The following ATP13A5 variants were observed in gnomAD, a reference collection of about 807,000 sequenced individuals.
ATP13A5 encodes the protein ATPase 13A5.
A neutral mutation model predicts 150.2 loss-of-function variants in ATP13A5; 149 were observed. The observed-to-expected ratio is 0.99, with a 90% CI of 0.87 to 1.14. ATP13A5 has a LOEUF of 1.14. Ranked by LOEUF, ATP13A5 falls within the 50% of genes most tolerant of loss-of-function variation. The pLI is 0.00. For missense variants in ATP13A5, 1,383 were observed against 1,449.3 expected, an observed-to-expected ratio of 0.95 and a Z score of 0.74; for synonymous variants, 497 against 522.2, an observed-to-expected ratio of 0.95 and a Z score of 0.66.
chr3:193,345,285 G>C (rs574369949), intron 7 of ATP13A5, among the ~76,000 whole-genome samples: 1 of 152,226 alleles, frequency 6.6e-6, no homozygotes, highest in South Asian at 2.1e-4. Context: ...TTAGTTTAAT[G>C]CTATCTCACT....
At chr3:193,299,305 T>G in intron 24 of ATP13A5, 102 bp from the exon 25 acceptor site, 2 of 810,218 alleles carry the variant, frequency 2.5e-6, no homozygotes, top group Non-Finnish European at 3.8e-6. Context: ...AGCTGTTACT[T>G]TTTTTTCCCT....
At chr3:193,311,437 C>A (rs1301065228) in intron 20 of ATP13A5, among the ~76,000 whole-genome samples, 2 of 152,156 alleles carry the variant, frequency 1.3e-5, no homozygotes, top group Non-Finnish European at 2.9e-5. Flanking sequence ...ATTTAAGAAT[C>A]CAGGCAAGAA....
chr3:193,333,939 C>A, intron 10 of ATP13A5, 32 bp from the exon 11 acceptor site: 1 of 1,590,428 alleles, frequency 6.3e-7, no homozygotes, highest in Non-Finnish European at 8.6e-7. Flanking sequence ...TCAAGTAAGG[C>A]TGCTTGATGG....
rs887291647 is a variant in ATP13A5 at position 193,275,609 on chromosome 3, C to T, written c.3397-307G>A. On this transcript the variant is annotated intron_variant, in intron 29 of 29. Transcript: ENST00000342358. The stretch of plus-strand genomic sequence containing the variant: ...CTGAAATGGTAACAGCAATAACGTG[C>T]TCAAAATGAAGAAAAGAAAAATCAC... 1.1e-4 allele frequency among the ~76,000 whole-genome samples: 16 copies of T among 152,160 alleles called. 1 individual carries two copies. The highest frequency in any genetic ancestry group is 9.8e-4 in the Admixed American group (15 of 15,270).
Position 193,311,881 on chromosome 3 carries a change from G to A in ATP13A5, c.2380C>T (p.His794Tyr). ...TATGATTTCCCACTCATTGCAAAAT[G>A]GTAACAGCTTCCTCCTTCCCCACGA... is the stretch of plus-strand genomic sequence containing the variant. ...TPRGEGGSCY[H>Y]FAMSGKSYQV... Residue 794 changes from histidine (H) to tyrosine (Y), a missense_variant, in exon 20 of 30, where the codon CAT becomes TAT. Coordinates refer to ENST00000342358, the MANE Select transcript of ATP13A5 (RefSeq NM_198505.4). 1 of 1,613,924 alleles carries A rather than the reference G, an allele frequency of 6.2e-7. No individual in the cohort carries two copies. Among genetic ancestry groups the A allele is most frequent in the Non-Finnish European group, 8.5e-7 (1 of 1,179,884 alleles).
Position 193,276,777 on chromosome 3 carries a change from G to GGT in ATP13A5, c.3367_3368dup (p.Gln1124ProfsTer9). ...CTACAAAGAAAGCCACACAGAATTGGGTGAGGGCTACCACCAAAATTAAAA... is the reference window on the plus strand; with the variant it reads ...CTACAAAGAAAGCCACACAGAATTGGGTGTGAGGGCTACCACCAAAATTAAAA... On this transcript the variant is annotated frameshift_variant, in exon 29 of 30. Coordinates refer to ENST00000342358, the MANE Select transcript of ATP13A5 (RefSeq NM_198505.4). LOFTEE classifies it high-confidence loss of function. 6.2e-7 allele frequency: 1 copy of GGT among 1,612,980 alleles called. No individual in the cohort carries two copies.
intron 17 of ATP13A5, among the ~76,000 whole-genome samples, chr3:193,317,619 A>G (rs1401222548): frequency 6.6e-6 from 1 of 152,164 alleles, no homozygotes; most frequent in Non-Finnish European, 1.5e-5. Flanking sequence ...AAATTTTTCT[A>G]GTTGGAAAAC....
chr3:193,329,588 C>T (rs886567142), intron 12 of ATP13A5, among the ~76,000 whole-genome samples: 1 of 152,126 alleles, frequency 6.6e-6, no homozygotes, highest in Admixed American at 6.5e-5. Flanking sequence ...AGAGAACTTC[C>T]AAGGGGGTGT....
chr3:193,320,042 C>A (rs1342013828), intron 16 of ATP13A5, among the ~76,000 whole-genome samples: 1 of 152,168 alleles, frequency 6.6e-6, no homozygotes, highest in African/African-American at 2.4e-5. Context: ...TTTAGCATGG[C>A]AATCACAACT....
chr3:193,311,891 TC>T lies in ATP13A5; in HGVS notation c.2369del (p.Gly790GlufsTer8). The T allele has an allele frequency of 6.2e-7, 1 of 1,613,938 alleles. No homozygotes were observed. The highest frequency in any genetic ancestry group is 8.5e-7 in the Non-Finnish European group (1 of 1,179,878). The stretch of plus-strand genomic sequence containing the variant: ...CACTCATTGCAAAATGGTAACAGCT[TC>T]CTCCTTCCCCACGAGGGGTTGAACT... ...GNSSTPRGEG[G>X]SCYHFAMSGK... On this transcript the variant is annotated frameshift_variant, in exon 20 of 30. Coordinates refer to ENST00000342358, the MANE Select transcript of ATP13A5 (RefSeq NM_198505.4). LOFTEE classifies it high-confidence loss of function.
At chr3:193,283,194 A>G (rs781322487) in intron 27 of ATP13A5, among the ~76,000 whole-genome samples, 13 of 152,318 alleles carry the variant, frequency 8.5e-5, no homozygotes, top group Non-Finnish European at 1.6e-4. Context: ...ATAGTCAATA[A>G]AAGCTGCTAG....
At chr3:193,362,301 A>T in intron 5 of ATP13A5, 80 bp downstream of exon 5, 1 of 1,231,926 alleles carries the variant, frequency 8.1e-7, no homozygotes, top group East Asian at 2.4e-5. Context: ...CATTATGCCA[A>T]CAATGCACTG....
At chr3:193,327,336 C>T (rs1262432804) in intron 12 of ATP13A5, among the ~76,000 whole-genome samples, 1 of 152,164 alleles carries the variant, frequency 6.6e-6, no homozygotes, top group Non-Finnish European at 1.5e-5. Flanking sequence ...TTGTGTATTG[C>T]TATGACCGTT....
At chr3:193,335,205 T>A in intron 9 of ATP13A5, 106 bp from the exon 10 acceptor site, 2 of 993,500 alleles carry the variant, frequency 2.0e-6, no homozygotes, top group Non-Finnish European at 3.1e-6. Context: ...AATCCGGTCT[T>A]AATGCCCATC....
Position 193,305,589 on chromosome 3 carries a change from G to GTTGTT in ATP13A5, c.2643_2647dup (p.Thr883LysfsTer29), listed in dbSNP as rs781216675. 25 of 1,613,852 alleles carry GTTGTT rather than the reference G, an allele frequency of 1.5e-5. No homozygotes were observed. Among genetic ancestry groups the GTTGTT allele is most frequent in the Non-Finnish European group, 2.1e-5 (25 of 1,179,810 alleles). On this transcript the variant is annotated frameshift_variant, in exon 23 of 30. Transcript: ENST00000342358. LOFTEE classifies it high-confidence loss of function. ...GAGATGAGGCACACACTGGATGTTG[G>GTTGTT]TTGTTTTAGAGGTAAAAGGGGATGC...
chr3:193,377,771 G>A (rs1378717054), intron 1 of ATP13A5, among the ~76,000 whole-genome samples: 1 of 152,128 alleles, frequency 6.6e-6, no homozygotes, highest in African/African-American at 2.4e-5. Context: ...CCCCAAATGT[G>A]CCCTCACTCT....
intron 14 of ATP13A5, among the ~76,000 whole-genome samples, chr3:193,324,384 C>G (rs1719396034): frequency 6.6e-6 from 1 of 152,186 alleles, no homozygotes; most frequent in Admixed American, 6.5e-5. Context: ...TGCAGAGCCA[C>G]ATTTCAAGGA....
At chr3:193,364,071 C>G in intron 2 of ATP13A5, 36 bp downstream of exon 2, 2 of 1,606,140 alleles carry the variant, frequency 1.2e-6, no homozygotes, top group Non-Finnish European at 1.7e-6. Context: ...AAGACACGAT[C>G]ATGGCTTTCA....
intron 9 of ATP13A5, among the ~76,000 whole-genome samples, chr3:193,338,466 A>G (rs1341467885): frequency 1.3e-5 from 2 of 152,072 alleles, no homozygotes; most frequent in East Asian, 1.9e-4. Context: ...TTATGGAAGG[A>G]CTTTTCTGCA....
Sources: gnomAD v4.1 joint callset for allele counts (sites outside exome capture counted in the v4.1 genomes callset) on GRCh38, gnomAD v4.1.1 for gene constraint, MANE v1.5 for transcripts, NCBI Gene and HGNC (gene_info 2026-07-23, HGNC 2026-07-21) for gene names.